Variants in STAB2 observed in about 807,000 individuals in gnomAD.
STAB2 encodes the protein stabilin 2.
STAB2 carries 288 observed loss-of-function variants against 338.1 expected under a neutral mutation model. The observed-to-expected ratio is 0.85, with a 90% CI of 0.77 to 0.94. STAB2 has a LOEUF of 0.94. Among genes scored for constraint, STAB2 ranks in the 40% least tolerant of loss-of-function variants. STAB2 has a pLI of 0.00. For missense variants in STAB2, 3,141 were observed against 3,210.1 expected (o/e 0.98, Z 0.52); for synonymous variants, 1,202 against 1,193.3 (o/e 1.01, Z -0.15).
At chr12:103,636,979 A>T in intron 6 of STAB2, 132 bp from the exon 7 acceptor site, 1 of 970,420 alleles carries the variant, frequency 1.0e-6, no homozygotes. Flanking sequence ...TTTTAACTTA[A>T]CGTGTTCTGT....
chr12:103,715,795 G>A lies in STAB2; in HGVS notation c.4538-20G>A, dbSNP rs1425624532. 1.2e-6 allele frequency: 2 copies of A among 1,613,822 alleles called. No homozygotes were observed. The highest frequency in any genetic ancestry group is 1.3e-5 in the African/African-American group (1 of 74,892). On this transcript the variant is annotated intron_variant, in intron 42 of 68. Transcript: ENST00000388887. ...ACCAGACTGGATTTCCAGGCCAGAT[G>A]TTGGCTTTTTGTTTTAAAGAAATCA...
At chr12:103,734,380 T>C (rs931643021) in intron 51 of STAB2, among the ~76,000 whole-genome samples, 1 of 148,872 alleles carries the variant, frequency 6.7e-6, no homozygotes, top group Non-Finnish European at 1.5e-5. Context: ...AGCGATCATA[T>C]AGGAGCAAGC....
chr12:103,753,909 AAAG>A (rs1414039608), intron 61 of STAB2, among the ~76,000 whole-genome samples: 1 of 152,154 alleles, frequency 6.6e-6, no homozygotes, highest in African/African-American at 2.4e-5. Flanking sequence ...TGAAAAGAAA[AAAG>A]AGACTGCACA....
At chr12:103,680,085 T>C (rs1876760598) in intron 25 of STAB2, among the ~76,000 whole-genome samples, 1 of 152,108 alleles carries the variant, frequency 6.6e-6, no homozygotes, top group Non-Finnish European at 1.5e-5. Context: ...GTCAGGTTCA[T>C]AGAGACAGAA....
intron 45 of STAB2, among the ~76,000 whole-genome samples, chr12:103,725,586 G>A (rs2139056221): frequency 6.6e-6 from 1 of 152,092 alleles, no homozygotes; most frequent in East Asian, 1.9e-4. Context: ...GTGTACACGT[G>A]TGTGTGCATG....
chr12:103,677,263 C>T (rs1045183859), intron 24 of STAB2, among the ~76,000 whole-genome samples, 190 bp from the exon 25 acceptor site: 1 of 152,222 alleles, frequency 6.6e-6, no homozygotes, highest in African/African-American at 2.4e-5. Flanking sequence ...ATGAGCTGGC[C>T]AGTTCCAAGC....
chr12:103,651,745 T>C (rs978840855), intron 11 of STAB2, among the ~76,000 whole-genome samples: 1 of 152,150 alleles, frequency 6.6e-6, no homozygotes, highest in Non-Finnish European at 1.5e-5. Flanking sequence ...CAATAAAAGA[T>C]TGAAATCTGG....
intron 4 of STAB2, among the ~76,000 whole-genome samples, chr12:103,621,377 C>T (rs1041922085): frequency 1.3e-5 from 2 of 151,724 alleles, no homozygotes; most frequent in Admixed American, 1.3e-4. Flanking sequence ...ACATTTCAAG[C>T]CCTGGGGGAT....
chr12:103,655,996 G>T (rs1196148126), intron 15 of STAB2, among the ~76,000 whole-genome samples: 2 of 152,180 alleles, frequency 1.3e-5, no homozygotes, highest in African/African-American at 4.8e-5. Context: ...ACTTTAAAAA[G>T]AATACGTGTT....
chr12:103,718,197 A>G (rs1437634772), intron 44 of STAB2, among the ~76,000 whole-genome samples: 1 of 151,500 alleles, frequency 6.6e-6, no homozygotes, highest in Non-Finnish European at 1.5e-5. Flanking sequence ...GCAACTTTCC[A>G]CTCCTTATTC....
chr12:103,687,787 C>T (rs928656853), intron 27 of STAB2, among the ~76,000 whole-genome samples: 3 of 152,274 alleles, frequency 2.0e-5, no homozygotes, highest in Middle Eastern at 3.4e-3. Context: ...AGCCACTACT[C>T]ACCAACGGCT....
intron 25 of STAB2, among the ~76,000 whole-genome samples, chr12:103,679,545 C>T (rs1876708686): frequency 6.6e-6 from 1 of 152,030 alleles, no homozygotes; most frequent in Non-Finnish European, 1.5e-5. Flanking sequence ...TGTCTATTTA[C>T]AGCTAGGGTA....
intron 25 of STAB2, among the ~76,000 whole-genome samples, chr12:103,678,713 G>GTA (rs1876616736): frequency 6.6e-6 from 1 of 152,072 alleles, no homozygotes; most frequent in African/African-American, 2.4e-5. Flanking sequence ...TGTATTTTTA[G>GTA]TAGAGACAGG....
intron 37 of STAB2, among the ~76,000 whole-genome samples, chr12:103,706,309 C>T (rs1879342170): frequency 1.3e-5 from 2 of 152,140 alleles, no homozygotes; most frequent in Admixed American, 1.3e-4. Context: ...CAAACCCAAG[C>T]AGACACCCTA....
At chr12:103,764,685 G>A (rs1247289823) in intron 68 of STAB2, among the ~76,000 whole-genome samples, 1 of 152,150 alleles carries the variant, frequency 6.6e-6, no homozygotes, top group Non-Finnish European at 1.5e-5. Context: ...TAAATATCTT[G>A]TGGTTCTTCA....
intron 34 of STAB2, among the ~76,000 whole-genome samples, chr12:103,699,574 A>G (rs113376623): frequency 0.058 from 8,779 of 152,166 alleles, 335 homozygotes; most frequent in African/African-American, 0.12. Flanking sequence ...CATGAGAAAG[A>G]CCTGCCCCCA....
chr12:103,702,899 A>C (rs1347280390), intron 34 of STAB2, among the ~76,000 whole-genome samples: 1 of 152,256 alleles, frequency 6.6e-6, no homozygotes, highest in Non-Finnish European at 1.5e-5. Context: ...TTCCTTTTAC[A>C]AAAGAGAAAA....
intron 42 of STAB2, among the ~76,000 whole-genome samples, chr12:103,715,095 C>T (rs1880198041): frequency 6.6e-6 from 1 of 152,172 alleles, no homozygotes; most frequent in Non-Finnish European, 1.5e-5. Context: ...TAATATCCTC[C>T]ACCTCGCCAA....
chr12:103,729,035 CATG>C, intron 48 of STAB2, 40 bp downstream of exon 48: 3 of 1,605,934 alleles, frequency 1.9e-6, no homozygotes, highest in Non-Finnish European at 2.6e-6. Context: ...TCCCCTAGAT[CATG>C]TCCTTTGCAG....
Sources: allele counts gnomAD v4.1 joint callset (sites outside exome capture counted in the v4.1 genomes callset), GRCh38; gene constraint gnomAD v4.1.1; transcripts MANE v1.5; gene names NCBI Gene and HGNC (gene_info 2026-07-23, HGNC 2026-07-21).